The following SLC4A5 variants were observed in gnomAD, a reference collection of about 807,000 sequenced individuals.
SLC4A5 encodes electrogenic sodium bicarbonate cotransporter 4.
In SLC4A5, 96 loss-of-function variants were observed where a neutral mutation model predicts 120.4. The ratio of observed to expected loss-of-function variants is 0.80; its 90% CI spans 0.68 to 0.94. The LOEUF is 0.94. Among genes scored for constraint, SLC4A5 ranks in the 40% least tolerant of loss-of-function variants. SLC4A5 has a pLI of 0.00. For missense variants in SLC4A5, 1,259 were observed against 1,459.5 expected, an observed-to-expected ratio of 0.86 and a Z score of 2.24; for synonymous variants, 550 against 571.1, an observed-to-expected ratio of 0.96 and a Z score of 0.53.
intron 29 of SLC4A5, among the ~76,000 whole-genome samples, chr2:74,222,153 A>G (rs1694672731): frequency 6.6e-6 from 1 of 152,116 alleles, no homozygotes; most frequent in Non-Finnish European, 1.5e-5. Context: ...CTATTTCTCT[A>G]AAGGGAAAAG....
chr2:74,242,002 C>T (rs765679180), exon 20 of SLC4A5: 3 of 1,604,280 alleles, frequency 1.9e-6, no homozygotes, highest in Admixed American at 1.7e-5. Context: ...ACCAGAGAAG[C>T]GTTGGTGTCT....
intron 8 of SLC4A5, among the ~76,000 whole-genome samples, chr2:74,282,069 A>AT (rs1671831242): frequency 6.6e-6 from 1 of 152,092 alleles, no homozygotes; most frequent in Non-Finnish European, 1.5e-5. Flanking sequence ...AGAAACTGCT[A>AT]TTTTTTTGTG....
At chr2:74,337,982 G>A (rs113933854) in intron 3 of SLC4A5, among the ~76,000 whole-genome samples, 1,783 of 152,256 alleles carry the variant, frequency 0.012, 37 homozygotes, top group African/African-American at 0.037. Flanking sequence ...GCCCAGTGGC[G>A]CCTGACATGG....
At chr2:74,304,755 A>T in intron 6 of SLC4A5, 75 bp from the exon 7 acceptor site, 1 of 1,454,024 alleles carries the variant, frequency 6.9e-7, no homozygotes, top group Non-Finnish European at 9.4e-7. Context: ...TTCATCAGTT[A>T]CAAAGAGATT....
intron 20 of SLC4A5, 109 bp from the exon 21 acceptor site, chr2:74,239,644 G>A: frequency 9.5e-7 from 1 of 1,049,404 alleles, no homozygotes; most frequent in East Asian, 2.5e-5. Flanking sequence ...ACCCTCTGAG[G>A]GACCCCAGCC....
At chr2:74,275,791 CT>C (rs763783512) in intron 8 of SLC4A5, among the ~76,000 whole-genome samples, 8 of 152,242 alleles carry the variant, frequency 5.3e-5, no homozygotes, top group Non-Finnish European at 7.3e-5. Flanking sequence ...ATCCTTAAAT[CT>C]GTCTCATGAG....
chr2:74,227,407 C>T, intron 26 of SLC4A5: 3 of 1,454,392 alleles, frequency 2.1e-6, no homozygotes, highest in Non-Finnish European at 2.8e-6. Flanking sequence ...AATTGTAACA[C>T]AAACTGTTTA....
At chr2:74,254,447 T>C (rs1670894249) in intron 14 of SLC4A5, among the ~76,000 whole-genome samples, 172 bp downstream of exon 14, 1 of 152,232 alleles carries the variant, frequency 6.6e-6, no homozygotes, top group African/African-American at 2.4e-5. Context: ...TGATTGGTTC[T>C]CCTAAAGGAC....
chr2:74,263,109 T>C (rs1466874460), intron 10 of SLC4A5, among the ~76,000 whole-genome samples: 1 of 152,218 alleles, frequency 6.6e-6, no homozygotes, highest in Non-Finnish European at 1.5e-5. Context: ...GCACGATCTC[T>C]GCTCACTGCA....
At chr2:74,331,135 T>A (rs1011231272) in intron 4 of SLC4A5, among the ~76,000 whole-genome samples, 7 of 147,776 alleles carry the variant, frequency 4.7e-5, no homozygotes, top group African/African-American at 1.8e-4. Flanking sequence ...ATGGAGGAGG[T>A]GAGGTCTAGA....
At chr2:74,224,584 A>G (rs1694776372) in intron 28 of SLC4A5, among the ~76,000 whole-genome samples, 1 of 152,268 alleles carries the variant, frequency 6.6e-6, no homozygotes, top group East Asian at 1.9e-4. Flanking sequence ...ACAGTGATGG[A>G]AAGAGTGGGC....
exon 18 of SLC4A5, chr2:74,248,398 G>A (rs773257281): frequency 5.6e-6 from 9 of 1,614,190 alleles, no homozygotes; most frequent in South Asian, 1.1e-5. Flanking sequence ...GATGGGCCCC[G>A]TGCTGCTGAG....
chr2:74,254,694 T>C (rs963458647), exon 14 of SLC4A5: 4 of 1,613,292 alleles, frequency 2.5e-6, no homozygotes, highest in Admixed American at 1.7e-5. Context: ...GTCCCAGTAG[T>C]ATAAACAGAA....
intron 20 of SLC4A5, among the ~76,000 whole-genome samples, chr2:74,241,249 ATATTATTATTAT>A (rs145522219): frequency 9.2e-5 from 13 of 140,766 alleles, no homozygotes; most frequent in South Asian, 2.3e-4. Flanking sequence ...TGTGCGTGTC[ATATTATTATTAT>A]TATTATTATT....
chr2:74,237,867 T>G (rs1670316932), intron 21 of SLC4A5, among the ~76,000 whole-genome samples: 1 of 152,094 alleles, frequency 6.6e-6, no homozygotes, highest in East Asian at 1.9e-4. Context: ...TTTGGGAGGC[T>G]GAGGTGGGGG....
At position 74,304,694 on chromosome 2, in the gene SLC4A5, A is replaced by G. The variant is rs1250496952; in HGVS notation, c.80-14T>C. The G allele has an allele frequency of 1.9e-6, 3 of 1,603,938 alleles. No individual in the cohort carries two copies. The South Asian group carries it at 3.3e-5, about 18-fold the overall frequency. ...TAGGAGGGCATTCTGTGGACACGGC[A>G]CAAAAGACAGGGGAGGCAGGGTTAC... On this transcript the variant is annotated splice_polypyrimidine_tract_variant and intron_variant, in intron 6 of 30. Transcript: ENST00000394019.
At chr2:74,308,084 T>C in intron 6 of SLC4A5, 1 of 463,954 alleles carries the variant, frequency 2.2e-6, no homozygotes, top group South Asian at 1.8e-5. Context: ...CTCTGAACAA[T>C]ATTCCACCGA....
chr2:74,247,547 C>G (rs1397798993), intron 18 of SLC4A5, among the ~76,000 whole-genome samples: 5 of 151,404 alleles, frequency 3.3e-5, no homozygotes, highest in Non-Finnish European at 5.9e-5. Context: ...AAGAGTCTCT[C>G]TCTGTCACCC....
At chr2:74,262,227 T>C (rs140940884) in exon 11 of SLC4A5, 72 of 1,613,370 alleles carry the variant, frequency 4.5e-5, no homozygotes, top group Non-Finnish European at 5.1e-5. Flanking sequence ...CGGGCAGGAC[T>C]GCGATCTGGG....
Sources: allele counts gnomAD v4.1 joint callset (sites outside exome capture counted in the v4.1 genomes callset), GRCh38; gene constraint gnomAD v4.1.1; transcripts MANE v1.5; gene names NCBI Gene and HGNC (gene_info 2026-07-23, HGNC 2026-07-21).